The following PIP4K2A variants were observed in gnomAD, a reference collection of about 807,000 sequenced individuals.
The protein encoded by PIP4K2A is phosphatidylinositol 5-phosphate 4-kinase type-2 alpha.
PIP4K2A carries 14 observed loss-of-function variants against 42.9 expected under a neutral mutation model. That is an observed-to-expected ratio of 0.33 (90% CI 0.22 to 0.51). The LOEUF (loss-of-function observed/expected upper bound fraction) is 0.51, where lower values mean the gene tolerates loss of function less well. Ranked by LOEUF, PIP4K2A falls within the 20% of genes least tolerant of loss-of-function variation. PIP4K2A has a pLI of 0.97. For synonymous variants in PIP4K2A, 192 were observed against 192.2 expected, an observed-to-expected ratio of 1.00 and a Z score of 0.01; for missense variants, 434 against 519.8, an observed-to-expected ratio of 0.83 and a Z score of 1.61.
Position 22,556,408 on chromosome 10 carries a change from C to T in PIP4K2A, c.679-5636G>A, listed in dbSNP as rs117143281. Among the ~76,000 whole-genome samples the T allele has an allele frequency of 3.2e-4, 48 of 152,174 alleles. No homozygotes were observed. The East Asian group carries it at 5.0e-3, about 16-fold the overall frequency. On this transcript the variant is annotated intron_variant, in intron 6 of 9. Transcript: ENST00000376573. ...AAGACCTTTTGTTTAAACTGAAACCCAAATGAGAGTAAAATGTCCCTATCT... is the reference window on the plus strand; with the variant it reads ...AAGACCTTTTGTTTAAACTGAAACCTAAATGAGAGTAAAATGTCCCTATCT...
intron 1 of PIP4K2A, among the ~76,000 whole-genome samples, chr10:22,712,942 C>CTG (rs986494955): frequency 7.2e-6 from 1 of 138,396 alleles, no homozygotes. Context: ...GTGTGTGTGT[C>CTG]TGTGTGTGTG....
intron 1 of PIP4K2A, among the ~76,000 whole-genome samples, chr10:22,613,970 T>A (rs1389006112): frequency 6.6e-6 from 1 of 152,132 alleles, no homozygotes; most frequent in Non-Finnish European, 1.5e-5. Flanking sequence ...CCTTCACATG[T>A]AGTAAAATAC....
At chr10:22,672,176 C>G (rs1839466255) in intron 1 of PIP4K2A, among the ~76,000 whole-genome samples, 2 of 152,002 alleles carry the variant, frequency 1.3e-5, no homozygotes, top group African/African-American at 2.4e-5. Flanking sequence ...AGGAGGCCAG[C>G]TATCTAACAC....
chr10:22,567,524 AGGAACGCACTCTCAGCT>A (rs1836873500), intron 6 of PIP4K2A: 4 of 543,206 alleles, frequency 7.4e-6, no homozygotes, highest in South Asian at 7.0e-5. Flanking sequence ...CCTGACCCGC[AGGAACGCACTCTCAGCT>A]GTCAGTGCCA....
intron 1 of PIP4K2A, among the ~76,000 whole-genome samples, chr10:22,650,859 T>C (rs1423697226): frequency 6.6e-6 from 1 of 152,052 alleles, no homozygotes; most frequent in Non-Finnish European, 1.5e-5. Context: ...CCCTACCTTT[T>C]ACTGGCTGGC....
chr10:22,581,287 C>T (rs111519947), intron 4 of PIP4K2A, among the ~76,000 whole-genome samples: 1 of 150,118 alleles, frequency 6.7e-6, no homozygotes, highest in East Asian at 1.9e-4. Flanking sequence ...GGAGCGGAGG[C>T]TTGACATTGA....
intron 4 of PIP4K2A, among the ~76,000 whole-genome samples, chr10:22,589,839 T>C (rs1038814474): frequency 2.0e-5 from 3 of 152,222 alleles, no homozygotes; most frequent in Admixed American, 2.0e-4. Context: ...ATACCCATTG[T>C]GACAGCCAAT....
intron 6 of PIP4K2A, among the ~76,000 whole-genome samples, chr10:22,565,702 C>T (rs542213509): frequency 6.6e-6 from 1 of 152,314 alleles, no homozygotes; most frequent in African/African-American, 2.4e-5. Flanking sequence ...CTCTGACCAC[C>T]AGTGAGCCGG....
intron 1 of PIP4K2A, among the ~76,000 whole-genome samples, chr10:22,659,421 C>T (rs1401948661): frequency 2.0e-5 from 3 of 152,160 alleles, no homozygotes; most frequent in South Asian, 4.1e-4. Flanking sequence ...GGCAAAACCC[C>T]GTCTCTACTA....
At chr10:22,544,882 C>T (rs1836223848) in intron 7 of PIP4K2A, among the ~76,000 whole-genome samples, 1 of 152,206 alleles carries the variant, frequency 6.6e-6, no homozygotes, top group African/African-American at 2.4e-5. Flanking sequence ...CAGGTCTCAG[C>T]TGCGGGGCAC....
chr10:22,697,138 TAAA>T (rs5783807), intron 1 of PIP4K2A, among the ~76,000 whole-genome samples: 6 of 142,596 alleles, frequency 4.2e-5, no homozygotes, highest in Admixed American at 1.4e-4. Flanking sequence ...TCCTTCAGCT[TAAA>T]AAAAAAAAAA....
At position 22,544,323 on chromosome 10, in the gene PIP4K2A, G is replaced by A. The variant is rs117348307; in HGVS notation, c.793-2276C>T. ...TCTCCAATGCTTGAGGGGTATGGTG[G>A]GGGTGGGGGTGCTTATGGTGGGCCC... is the stretch of plus-strand genomic sequence containing the variant. On this transcript the variant is annotated intron_variant, in intron 7 of 9. Coordinates refer to ENST00000376573, the MANE Select transcript of PIP4K2A (RefSeq NM_005028.5). 4.3e-3 allele frequency among the ~76,000 whole-genome samples: 660 copies of A among 152,170 alleles called. 2 individuals are homozygous for A. Among genetic ancestry groups the A allele is most frequent in the Middle Eastern group, 0.024 (7 of 294 alleles).
chr10:22,714,050 G>A (rs1435535610), intron 1 of PIP4K2A, 133 bp downstream of exon 1: 5 of 938,654 alleles, frequency 5.3e-6, no homozygotes, highest in Non-Finnish European at 7.7e-6. Context: ...GGGGCTTCGA[G>A]GCGGGCGAGC....
chr10:22,594,715 T>C lies in PIP4K2A; in HGVS notation c.340-2934A>G, dbSNP rs1368310832. Among the ~76,000 whole-genome samples the C allele has an allele frequency of 2.0e-5, 3 of 152,342 alleles. No individual in the cohort carries two copies. The East Asian group carries it at 5.8e-4, about 29-fold the overall frequency. The stretch of plus-strand genomic sequence containing the variant: ...ATGCCCAGCGCAACATATGGGTTTA[T>C]AAAGGGCTGGAAACGTAAAAGCAAA... On this transcript the variant is annotated intron_variant, in intron 3 of 9. Transcript: ENST00000376573.
At chr10:22,605,068 G>A (rs1837877469) in intron 3 of PIP4K2A, among the ~76,000 whole-genome samples, 1 of 152,192 alleles carries the variant, frequency 6.6e-6, no homozygotes, top group Non-Finnish European at 1.5e-5. Context: ...CTGGAACTCA[G>A]GGTCCCTGAC....
intron 6 of PIP4K2A, among the ~76,000 whole-genome samples, chr10:22,565,113 G>C (rs1836813167): frequency 6.6e-6 from 1 of 152,100 alleles, no homozygotes; most frequent in Non-Finnish European, 1.5e-5. Flanking sequence ...TGTTCTGCTG[G>C]GCTTGTTCTA....
intron 1 of PIP4K2A, among the ~76,000 whole-genome samples, chr10:22,672,857 A>G (rs1211446905): frequency 6.6e-6 from 1 of 152,224 alleles, no homozygotes; most frequent in Admixed American, 6.5e-5. Context: ...AAAGGTGAGC[A>G]GCAGGTTAAC....
intron 1 of PIP4K2A, among the ~76,000 whole-genome samples, chr10:22,638,108 G>T (rs1838706842): frequency 6.6e-6 from 1 of 152,124 alleles, no homozygotes; most frequent in African/African-American, 2.4e-5. Context: ...ATCCCCAATG[G>T]GGCTCCAGGA....
intron 4 of PIP4K2A, among the ~76,000 whole-genome samples, chr10:22,575,821 C>T (rs990470034): frequency 2.0e-5 from 3 of 151,932 alleles, no homozygotes; most frequent in African/African-American, 7.3e-5. Flanking sequence ...ACCCGTAATC[C>T]CAGCTACTCG....
Sources: gnomAD v4.1 joint callset for allele counts (sites outside exome capture counted in the v4.1 genomes callset) on GRCh38, gnomAD v4.1.1 for gene constraint, MANE v1.5 for transcripts, NCBI Gene and HGNC (gene_info 2026-07-23, HGNC 2026-07-21) for gene names.